Variants in GPAM observed in about 807,000 individuals in gnomAD.
GPAM encodes glycerol-3-phosphate acyltransferase, mitochondrial, also known as glycerol-3-phosphate acyltransferase 1, mitochondrial.
Under a neutral mutation model 105.0 loss-of-function variants are expected in GPAM, and 56 were observed. The observed-to-expected ratio is 0.53, with a 90% CI of 0.43 to 0.67. The LOEUF is 0.67. Among genes scored for constraint, GPAM ranks in the 30% least tolerant of loss-of-function variants. The pLI is 0.00. For missense variants in GPAM, 855 were observed against 989.8 expected (o/e 0.86, Z 1.83); for synonymous variants, 368 against 354.4 (o/e 1.04, Z -0.43).
At position 112,160,785 on chromosome 10, in the gene GPAM, T is replaced by C; in HGVS notation, c.1578A>G (p.Ser526=). Residue 526 remains serine, a synonymous_variant, in exon 16 of 22, where the codon TCA becomes TCG. Coordinates refer to ENST00000348367, the MANE Select transcript of GPAM (RefSeq NM_001244949.2). ...VLARDFDLGF[S]GNSEDVVMHA... is the part of the protein sequence containing the mutation. The stretch of plus-strand genomic sequence containing the variant: ...GCATTACTACATCTTCTGAATTTCC[T>C]GAGAACCCCAGGTCAAAATCACGAG... 1 of 1,614,090 alleles carries C rather than the reference T, an allele frequency of 6.2e-7. No homozygotes were observed. Among genetic ancestry groups the C allele is most frequent in the Non-Finnish European group, 8.5e-7 (1 of 1,179,934 alleles).
intron 14 of GPAM, among the ~76,000 whole-genome samples, chr10:112,162,105 C>T (rs1847134925): frequency 6.6e-6 from 1 of 152,204 alleles, no homozygotes; most frequent in African/African-American, 2.4e-5. Context: ...TTGCTCCCAC[C>T]TACAGTCTAT....
At chr10:112,207,698 G>C (rs950536400) in intron 1 of GPAM, among the ~76,000 whole-genome samples, 2 of 152,174 alleles carry the variant, frequency 1.3e-5, no homozygotes, top group Non-Finnish European at 2.9e-5. Context: ...ACCATGTTTG[G>C]CCTTCTATGT....
At chr10:112,196,985 C>T (rs1847731462) in intron 1 of GPAM, among the ~76,000 whole-genome samples, 1 of 152,212 alleles carries the variant, frequency 6.6e-6, no homozygotes, top group Non-Finnish European at 1.5e-5. Context: ...ATTAAGCACA[C>T]ATACATAAAT....
In GPAM at chr10:112,164,587, C is replaced by A; in HGVS notation, c.1245G>T (p.Gln415His). 6.2e-7 allele frequency: 1 copy of A among 1,602,870 alleles called. No individual in the cohort carries two copies. The highest frequency in any genetic ancestry group is 1.1e-5 in the South Asian group (1 of 90,886). ...GGGAAAGTAGAGCAGACACCGGTTT[C>A]TGACTTTGGCTTTCTAAATATTCCT... ...SLKEYLESQS[Q>H]KPVSALLSLE... Residue 415 changes from glutamine (Q) to histidine (H), a missense_variant, in exon 13 of 22, where the codon CAG becomes CAT. Gln to His is a conservative substitution (Grantham distance 24, BLOSUM62 0). Coordinates refer to ENST00000348367, the MANE Select transcript of GPAM (RefSeq NM_001244949.2).
intron 1 of GPAM, among the ~76,000 whole-genome samples, chr10:112,198,817 A>G (rs1304144803): frequency 1.3e-5 from 2 of 152,222 alleles, no homozygotes; most frequent in African/African-American, 4.8e-5. Flanking sequence ...TATGGTGTAT[A>G]TACACAACGG....
At chr10:112,169,124 C>T (rs1847270366) in intron 9 of GPAM, among the ~76,000 whole-genome samples, 172 bp from the exon 10 acceptor site, 1 of 152,110 alleles carries the variant, frequency 6.6e-6, no homozygotes, top group Non-Finnish European at 1.5e-5. Context: ...CGACATGTTT[C>T]AGTCATTTAC....
upstream of GPAM, among the ~76,000 whole-genome samples, chr10:112,217,327 T>C (rs1257990144): frequency 6.6e-6 from 1 of 152,370 alleles, no homozygotes; most frequent in Non-Finnish European, 1.5e-5. Context: ...TTACTTCATT[T>C]CTTTTTATTG....
chr10:112,152,336 A>G lies in GPAM; in HGVS notation c.*1214T>C. 2.0e-6 allele frequency: 2 copies of G among 984,968 alleles called. No homozygotes were observed. The highest frequency in any genetic ancestry group is 2.4e-6 in the Non-Finnish European group (2 of 829,482). The allele number at this position is 984,968 out of a possible 1,614,324, so 61.0% of individuals were successfully genotyped here. A position where few individuals can be genotyped will look rare whatever the true frequency, so the allele number is the denominator to read the frequency against. On this transcript the variant is annotated 3_prime_UTR_variant, in exon 22 of 22. Coordinates refer to ENST00000348367, the MANE Select transcript of GPAM (RefSeq NM_001244949.2). ...CAAAAGGCACCTACCAATTATGAAC[A>G]GACCATTTTTCATAATTATTTACCA... is the stretch of plus-strand genomic sequence containing the variant.
At chr10:112,199,699 G>A (rs942880901) in intron 1 of GPAM, among the ~76,000 whole-genome samples, 2 of 152,126 alleles carry the variant, frequency 1.3e-5, no homozygotes, top group Admixed American at 6.6e-5. Flanking sequence ...ACATGGCTGG[G>A]GAGGCCTCAC....
rs748463163 is a variant in GPAM at position 112,168,394 on chromosome 10, T to C, written c.1025A>G (p.Asn342Ser). Residue 342 changes from asparagine (N) to serine (S), a missense_variant, in exon 11 of 22, where the codon AAT becomes AGT. Physicochemically the swap from Asn to Ser is conservative, Grantham distance 46. Coordinates refer to ENST00000348367, the MANE Select transcript of GPAM (RefSeq NM_001244949.2). ...LSVVVDTLST[N>S]VIPDILIIPV... ...TATTATCAAGATGTCTGGGATGACA[T>C]TGGTAGACAGAGTATCTACCACAAC... 1.3e-5 allele frequency: 21 copies of C among 1,607,632 alleles called. No homozygotes were observed. Among genetic ancestry groups the C allele is most frequent in the African/African-American group, 8.0e-5 (6 of 74,788 alleles).
In GPAM at chr10:112,155,856, T is replaced by TA; in HGVS notation, c.2311+7dup. The TA allele has an allele frequency of 6.6e-7, 1 of 1,516,436 alleles. No individual in the cohort carries two copies. The highest frequency in any genetic ancestry group is 1.1e-5 in the South Asian group (1 of 88,882). The allele number at this position is 1,516,436 out of a possible 1,614,324, so 93.9% of individuals were successfully genotyped here. A position where few individuals can be genotyped will look rare whatever the true frequency, so the allele number is the denominator to read the frequency against. ...GATTTTAAAAGAATAAATAGTGACT[T>TA]AACATACCATATACTGCAACATTTC... On this transcript the variant is annotated splice_region_variant and intron_variant, in intron 20 of 21. Coordinates refer to ENST00000348367, the MANE Select transcript of GPAM (RefSeq NM_001244949.2).
chr10:112,175,579 T>A, intron 6 of GPAM, 21 bp downstream of exon 6: 1 of 1,322,498 alleles, frequency 7.6e-7, no homozygotes, highest in South Asian at 1.2e-5. Context: ...TTCCCACCTT[T>A]ACACCTTGCC....
At position 112,150,367 on chromosome 10, in the gene GPAM, A is replaced by G. The variant is rs1170750023; in HGVS notation, c.*3183T>C. 4.1e-6 allele frequency: 4 copies of G among 985,434 alleles called. No individual in the cohort carries two copies. The African/African-American group carries it at 7.0e-5, about 17-fold the overall frequency. 61.0% of individuals were successfully genotyped at this position (985,434 alleles called of 1,614,324 possible). ...TCCATGTATTCTGATACGTTCAGTG[A>G]AAAAGCCAGGATCATTGGGGCTGTT... is the stretch of plus-strand genomic sequence containing the variant. On this transcript the variant is annotated 3_prime_UTR_variant, in exon 22 of 22. Transcript: ENST00000348367.
At chr10:112,155,188 A>G (rs1589575986) in intron 20 of GPAM, 1 of 181,854 alleles carries the variant, frequency 5.5e-6, no homozygotes, top group Non-Finnish European at 1.2e-5. Flanking sequence ...CTATAAAATG[A>G]GGTGATTAGA....
intron 1 of GPAM, among the ~76,000 whole-genome samples, chr10:112,192,798 G>T (rs1054307221): frequency 1.3e-5 from 2 of 152,224 alleles, no homozygotes; most frequent in African/African-American, 4.8e-5. Flanking sequence ...CCTTTACCTT[G>T]TAAGATTAGA....
chr10:112,158,781 A>C (rs1350712783), intron 17 of GPAM, among the ~76,000 whole-genome samples: 5 of 152,226 alleles, frequency 3.3e-5, no homozygotes, highest in Admixed American at 3.3e-4. Flanking sequence ...TACTGTACAC[A>C]AAAGTGGTGA....
intron 1 of GPAM, among the ~76,000 whole-genome samples, chr10:112,209,217 C>G (rs951182344): frequency 1.3e-5 from 2 of 152,096 alleles, no homozygotes; most frequent in African/African-American, 4.8e-5. Context: ...ATTCATGGAG[C>G]TAATTAGACA....
chr10:112,221,897 T>C, the GPAM span, among the ~76,000 whole-genome samples: 1 of 152,212 alleles, frequency 6.6e-6, no homozygotes, highest in Non-Finnish European at 1.5e-5. Context: ...ACTATGTTCA[T>C]TTCATAAATA....
chr10:112,165,025 A>G (rs1364356176), intron 12 of GPAM, among the ~76,000 whole-genome samples: 1 of 152,224 alleles, frequency 6.6e-6, no homozygotes, highest in East Asian at 1.9e-4. Context: ...ATAACAAGAC[A>G]GAGAAGCTAT....
Sources: allele counts gnomAD v4.1 joint callset (sites outside exome capture counted in the v4.1 genomes callset), GRCh38; gene constraint gnomAD v4.1.1; transcripts MANE v1.5; gene names NCBI Gene and HGNC (gene_info 2026-07-23, HGNC 2026-07-21).